Variants in SLC35F1 observed in about 807,000 individuals in gnomAD.
SLC35F1 encodes solute carrier family 35 member F1.
Under a neutral mutation model 48.7 loss-of-function variants are expected in SLC35F1, and 14 were observed. The ratio of observed to expected loss-of-function variants is 0.29; its 90% CI spans 0.19 to 0.45. The LOEUF (loss-of-function observed/expected upper bound fraction) is 0.45. Among genes scored for constraint, SLC35F1 ranks in the 20% least tolerant of loss-of-function variants. SLC35F1 has a pLI of 1.00. For missense variants in SLC35F1, 404 were observed against 500.0 expected (o/e 0.81, Z 1.83); for synonymous variants, 190 against 202.2 (o/e 0.94, Z 0.51).
chr6:118,093,806 G>A (rs1773111095), intron 1 of SLC35F1, among the ~76,000 whole-genome samples: 1 of 152,220 alleles, frequency 6.6e-6, no homozygotes, highest in Admixed American at 6.5e-5. Context: ...AGAGAGTGCA[G>A]AAGAAGAGTA....
chr6:117,918,266 C>T (rs1775852352), intron 1 of SLC35F1, among the ~76,000 whole-genome samples: 1 of 151,968 alleles, frequency 6.6e-6, no homozygotes, highest in Non-Finnish European at 1.5e-5. Context: ...TATGGGAATG[C>T]TGTACTGAAG....
At chr6:117,958,218 G>A (rs1417973759) in intron 1 of SLC35F1, among the ~76,000 whole-genome samples, 2 of 152,072 alleles carry the variant, frequency 1.3e-5, no homozygotes, top group East Asian at 1.9e-4. Flanking sequence ...AAATATTTTT[G>A]CATAGCTGTA....
chr6:118,299,331 C>T (rs1180215167), intron 7 of SLC35F1, among the ~76,000 whole-genome samples: 1 of 152,118 alleles, frequency 6.6e-6, no homozygotes, highest in Non-Finnish European at 1.5e-5. Context: ...AGAATGGCAG[C>T]GTTGTCATGA....
intron 2 of SLC35F1, among the ~76,000 whole-genome samples, chr6:118,155,484 A>G (rs1197827848): frequency 1.3e-5 from 2 of 152,096 alleles, no homozygotes; most frequent in Non-Finnish European, 2.9e-5. Context: ...CTGCTCTCTC[A>G]TGTGTGCTCT....
At chr6:118,045,973 T>C (rs567333988) in intron 1 of SLC35F1, among the ~76,000 whole-genome samples, 3 of 152,338 alleles carry the variant, frequency 2.0e-5, no homozygotes, top group East Asian at 3.9e-4. Context: ...AATACCTTTT[T>C]TTCATGGAGT....
intron 2 of SLC35F1, among the ~76,000 whole-genome samples, chr6:118,199,320 A>T (rs552772236): frequency 6.6e-6 from 1 of 152,288 alleles, no homozygotes; most frequent in South Asian, 2.1e-4. Context: ...ACTCTTGCAC[A>T]CACTTATATT....
chr6:118,286,307 G>C (rs573077535), intron 7 of SLC35F1, among the ~76,000 whole-genome samples: 6 of 152,320 alleles, frequency 3.9e-5, no homozygotes, highest in East Asian at 3.9e-4. Flanking sequence ...GTGGCCAGAT[G>C]ATGGGGCACC....
chr6:117,971,388 C>A (rs1005312674), intron 1 of SLC35F1, among the ~76,000 whole-genome samples: 2 of 152,210 alleles, frequency 1.3e-5, no homozygotes, highest in South Asian at 4.1e-4. Flanking sequence ...TGTTGAGTGT[C>A]TGTGGCCTTT....
intron 2 of SLC35F1, among the ~76,000 whole-genome samples, chr6:118,197,429 G>A (rs568955030): frequency 2.0e-5 from 3 of 152,226 alleles, no homozygotes; most frequent in African/African-American, 7.2e-5. Context: ...ATAAAATAAG[G>A]TTTTACCTTA....
chr6:118,305,197 G>A (rs1023385847), intron 7 of SLC35F1, among the ~76,000 whole-genome samples: 3 of 150,884 alleles, frequency 2.0e-5, no homozygotes, highest in African/African-American at 7.3e-5. Flanking sequence ...TAGAAATCCA[G>A]GAAAAAAGTT....
chr6:118,226,612 G>C (rs1033984542), intron 2 of SLC35F1, among the ~76,000 whole-genome samples: 2 of 152,142 alleles, frequency 1.3e-5, no homozygotes, highest in African/African-American at 4.8e-5. Flanking sequence ...AGCATAGAAA[G>C]ACAAATATTG....
chr6:118,315,118 C>T lies in SLC35F1; in HGVS notation c.*866C>T, dbSNP rs1040813977. 1.3e-5 allele frequency: 2 copies of T among 152,566 alleles called. No homozygotes were observed. Among genetic ancestry groups the T allele is most frequent in the Non-Finnish European group, 2.9e-5 (2 of 68,026 alleles). The allele number at this position is 152,566 out of a possible 1,614,324, so 9.5% of individuals were successfully genotyped here. A position where few individuals can be genotyped will look rare whatever the true frequency, so the allele number is the denominator to read the frequency against. On this transcript the variant is annotated 3_prime_UTR_variant, in exon 8 of 8. Transcript: ENST00000360388. ...CCTGTAGCCTCTCTTCAAAAACTAT[C>T]TTTTATTTTTTTTCCAGATTTCCTT...
At chr6:117,963,432 T>TA (rs1368327223) in intron 1 of SLC35F1, among the ~76,000 whole-genome samples, 1 of 151,874 alleles carries the variant, frequency 6.6e-6, no homozygotes, top group East Asian at 1.9e-4. Context: ...ACACATCACA[T>TA]ATGCACAAAA....
intron 2 of SLC35F1, among the ~76,000 whole-genome samples, chr6:118,230,910 A>G (rs1775284387): frequency 6.6e-6 from 1 of 152,016 alleles, no homozygotes; most frequent in Non-Finnish European, 1.5e-5. Context: ...TCAGAGAGCC[A>G]TGGTCACGCC....
chr6:117,922,797 G>A lies in SLC35F1; in HGVS notation c.173+14898G>A, dbSNP rs71570876. Among the ~76,000 whole-genome samples the A allele has an allele frequency of 5.0e-3, 768 of 152,214 alleles. 3 individuals carry two copies. Among genetic ancestry groups the A allele is most frequent in the Non-Finnish European group, 8.3e-3 (567 of 67,998 alleles). ...ATCCTCTTTGAGCCAGGTTTAGTTG[G>A]GATTTGTTTAACTTGCAGCTGAAAG... On this transcript the variant is annotated intron_variant, in intron 1 of 7. Transcript: ENST00000360388.
intron 1 of SLC35F1, among the ~76,000 whole-genome samples, chr6:117,956,751 C>T (rs1479588243): frequency 1.3e-5 from 2 of 152,080 alleles, no homozygotes; most frequent in Non-Finnish European, 2.9e-5. Flanking sequence ...CAGTAAGGCC[C>T]CTGTTGGTAG....
chr6:118,177,986 T>C (rs761784167), intron 2 of SLC35F1, among the ~76,000 whole-genome samples: 1 of 151,996 alleles, frequency 6.6e-6, no homozygotes, highest in Non-Finnish European at 1.5e-5. Context: ...TGAGGTGAGG[T>C]AGGTGTCAAA....
intron 1 of SLC35F1, among the ~76,000 whole-genome samples, chr6:118,070,691 C>CT (rs946017224): frequency 1.3e-5 from 2 of 150,588 alleles, no homozygotes; most frequent in Non-Finnish European, 3.0e-5. Context: ...CTTGCTATTT[C>CT]TTTTTTTTAA....
At chr6:118,040,051 G>C (rs946358776) in intron 1 of SLC35F1, among the ~76,000 whole-genome samples, 1 of 152,012 alleles carries the variant, frequency 6.6e-6, no homozygotes, top group Admixed American at 6.6e-5. Context: ...ATGCTGCTTT[G>C]GGTCTGTCTC....
Sources: gnomAD v4.1 joint callset for allele counts (sites outside exome capture counted in the v4.1 genomes callset) on GRCh38, gnomAD v4.1.1 for gene constraint, MANE v1.5 for transcripts, NCBI Gene and HGNC (gene_info 2026-07-23, HGNC 2026-07-21) for gene names.